The following PAPPA2 variants were observed in gnomAD, a reference collection of about 807,000 sequenced individuals.
PAPPA2 encodes the protein pappalysin-2.
PAPPA2 carries 86 observed loss-of-function variants against 176.4 expected under a neutral mutation model. The observed-to-expected ratio is 0.49, with a 90% confidence interval of 0.41 to 0.58. The LOEUF (loss-of-function observed/expected upper bound fraction) is 0.58, where lower values mean the gene tolerates loss of function less well. Among genes scored for constraint, PAPPA2 ranks in the 20% least tolerant of loss-of-function variants. PAPPA2 has a pLI of 0.00. For synonymous variants in PAPPA2, 809 were observed against 852.2 expected, an observed-to-expected ratio of 0.95 and a Z score of 0.88; for missense variants, 2,073 against 2,256.9, an observed-to-expected ratio of 0.92 and a Z score of 1.65.
chr1:176,623,614 CCTTCCTTCCTTTTTTA>C (rs1655740232), intron 3 of PAPPA2, among the ~76,000 whole-genome samples: 1 of 88,262 alleles, frequency 1.1e-5, no homozygotes, highest in Non-Finnish European at 2.3e-5. Context: ...TTCCTTCCTT[CCTTCCTTCCTTTTTTA>C]CTTTCTTTCT....
chr1:176,824,761 A>G (rs1666793402), intron 21 of PAPPA2, among the ~76,000 whole-genome samples: 1 of 152,186 alleles, frequency 6.6e-6, no homozygotes, highest in African/African-American at 2.4e-5. Flanking sequence ...GAATATGGAT[A>G]ATCATATTAA....
At chr1:176,678,947 A>T (rs568321135) in intron 4 of PAPPA2, among the ~76,000 whole-genome samples, 3 of 152,316 alleles carry the variant, frequency 2.0e-5, no homozygotes, top group Admixed American at 6.5e-5. Flanking sequence ...TTTGAAGAAG[A>T]GAATTGTGAG....
chr1:176,660,031 T>G (rs765461246), intron 3 of PAPPA2, among the ~76,000 whole-genome samples: 1 of 152,126 alleles, frequency 6.6e-6, no homozygotes, highest in Non-Finnish European at 1.5e-5. Flanking sequence ...AGACTAAATA[T>G]GCACCATTTC....
intron 3 of PAPPA2, among the ~76,000 whole-genome samples, chr1:176,612,627 A>T (rs189587438): frequency 6.6e-6 from 1 of 152,326 alleles, no homozygotes; most frequent in African/African-American, 2.4e-5. Flanking sequence ...CAACTGCCAT[A>T]GGTAATCATA....
intron 21 of PAPPA2, among the ~76,000 whole-genome samples, chr1:176,837,592 A>G (rs1271087099): frequency 6.6e-6 from 1 of 151,986 alleles, no homozygotes; most frequent in Non-Finnish European, 1.5e-5. Context: ...CAGATATTTG[A>G]AAAGTGCACT....
chr1:176,597,959 C>G (rs938642233), intron 3 of PAPPA2, among the ~76,000 whole-genome samples: 1 of 152,158 alleles, frequency 6.6e-6, no homozygotes, highest in Non-Finnish European at 1.5e-5. Flanking sequence ...TTATAACTTA[C>G]TCACCTCACT....
intron 21 of PAPPA2, among the ~76,000 whole-genome samples, chr1:176,831,478 T>C (rs1000076662): frequency 1.3e-5 from 2 of 152,210 alleles, no homozygotes; most frequent in Non-Finnish European, 2.9e-5. Context: ...CAAATGTGCA[T>C]GGATATCACC....
chr1:176,594,855 C>G lies in PAPPA2; in HGVS notation c.1251C>G (p.His417Gln). The G allele has an allele frequency of 6.2e-7, 1 of 1,614,222 alleles. No individual in the cohort carries two copies. The highest frequency in any genetic ancestry group is 8.5e-7 in the Non-Finnish European group (1 of 1,180,040). ...GGGGAGACAGCTCTGAGGATGGGCACTATTTCCGTGGACACCTGGGCACAC... is the reference window on the plus strand; with the variant it reads ...GGGGAGACAGCTCTGAGGATGGGCAGTATTTCCGTGGACACCTGGGCACAC... Reference protein sequence around the residue: ...LLGGDSSEDGHYFRGHLGTLV... With the variant: ...LLGGDSSEDGQYFRGHLGTLV... Residue 417 changes from histidine (H) to glutamine (Q), a missense_variant, in exon 3 of 23, where the codon CAC (histidine) becomes CAG (glutamine). His to Gln is a conservative substitution (Grantham distance 24). Transcript: ENST00000367662.
At chr1:176,721,813 A>T (rs950064093) in intron 12 of PAPPA2, among the ~76,000 whole-genome samples, 1 of 150,604 alleles carries the variant, frequency 6.6e-6, no homozygotes, top group African/African-American at 2.4e-5. Context: ...TTTCAAAAAA[A>T]TTTTTTTCAG....
At position 176,841,040 on chromosome 1, in the gene PAPPA2, A is replaced by C. The variant is rs556899538; in HGVS notation, c.5301+769A>C. 2.1e-4 allele frequency among the ~76,000 whole-genome samples: 32 copies of C among 152,332 alleles called. 1 individual carries two copies. The highest frequency in any genetic ancestry group is 1.0e-3 in the South Asian group (5 of 4,830). On this transcript the variant is annotated intron_variant, in intron 22 of 22. Coordinates refer to ENST00000367662, the MANE Select transcript of PAPPA2 (RefSeq NM_020318.3). ...CTCGCTAATGTTTAATCCTTACTCA[A>C]TATGTGGCAGACACTGTTCTCACCA...
At chr1:176,486,314 G>T (rs759437373) in intron 1 of PAPPA2, among the ~76,000 whole-genome samples, 3 of 152,156 alleles carry the variant, frequency 2.0e-5, no homozygotes, top group Non-Finnish European at 2.9e-5. Flanking sequence ...AAAAATCAAA[G>T]AATTAATGTC....
At chr1:176,631,281 C>T (rs1372869949) in intron 3 of PAPPA2, among the ~76,000 whole-genome samples, 2 of 152,020 alleles carry the variant, frequency 1.3e-5, no homozygotes, top group African/African-American at 2.4e-5. Flanking sequence ...ATGAAAGAAA[C>T]AAATCACAAA....
chr1:176,661,571 G>A (rs912727265), intron 3 of PAPPA2, among the ~76,000 whole-genome samples: 11 of 150,300 alleles, frequency 7.3e-5, no homozygotes, highest in East Asian at 5.9e-4. Context: ...GGTTTGCCCC[G>A]TAGCTTGTTT....
At chr1:176,702,834 T>G in intron 9 of PAPPA2, 99 bp downstream of exon 9, 3 of 1,433,374 alleles carry the variant, frequency 2.1e-6, no homozygotes, top group Non-Finnish European at 2.8e-6. Context: ...CACTGTTCTC[T>G]AAACAGAAGT....
At chr1:176,713,150 T>C (rs996869442) in intron 12 of PAPPA2, among the ~76,000 whole-genome samples, 1 of 152,064 alleles carries the variant, frequency 6.6e-6, no homozygotes, top group Non-Finnish European at 1.5e-5. Flanking sequence ...TTTAGACGAA[T>C]TCAAGTTCTT....
At chr1:176,624,021 T>C (rs1020401330) in intron 3 of PAPPA2, among the ~76,000 whole-genome samples, 2 of 151,962 alleles carry the variant, frequency 1.3e-5, no homozygotes, top group Admixed American at 6.6e-5. Context: ...TTCTATTTTT[T>C]GTAGAGATGC....
intron 1 of PAPPA2, among the ~76,000 whole-genome samples, chr1:176,532,697 C>G (rs1349331438): frequency 6.6e-6 from 1 of 152,182 alleles, no homozygotes. Flanking sequence ...ACTTCAGACG[C>G]AGTAAGGGTG....
intron 12 of PAPPA2, among the ~76,000 whole-genome samples, chr1:176,731,747 A>T (rs1447583395): frequency 6.6e-6 from 1 of 151,910 alleles, no homozygotes; most frequent in Non-Finnish European, 1.5e-5. Context: ...ACATGCGTAC[A>T]TATATATACG....
intron 7 of PAPPA2, among the ~76,000 whole-genome samples, chr1:176,698,114 G>C (rs559870339): frequency 6.6e-6 from 1 of 152,050 alleles, no homozygotes; most frequent in East Asian, 1.9e-4. Flanking sequence ...AAGGGAAATT[G>C]CAATGTTTGA....
Sources: allele counts gnomAD v4.1 joint callset (sites outside exome capture counted in the v4.1 genomes callset), GRCh38; gene constraint gnomAD v4.1.1; transcripts MANE v1.5; gene names NCBI Gene and HGNC (gene_info 2026-07-23, HGNC 2026-07-21).